Variants in GRIN2B observed in about 807,000 individuals in gnomAD.
GRIN2B encodes the protein glutamate receptor ionotropic, NMDA 2B.
Under a neutral mutation model 114.5 loss-of-function variants are expected in GRIN2B, and 5 were observed. The observed-to-expected ratio is 0.04, with a 90% CI of 0.02 to 0.09. The LOEUF (loss-of-function observed/expected upper bound fraction) is 0.09. GRIN2B is among the 10% of genes least tolerant of loss of function. GRIN2B has a pLI of 1.00. For missense variants in GRIN2B, 1,108 were observed against 1,943.5 expected (o/e 0.57, Z 8.08); for synonymous variants, 787 against 745.1 (o/e 1.06, Z -0.92).
At chr12:13,635,955 C>A (rs1004310249) in intron 5 of GRIN2B, among the ~76,000 whole-genome samples, 3 of 152,058 alleles carry the variant, frequency 2.0e-5, no homozygotes, top group Non-Finnish European at 4.4e-5. Flanking sequence ...CTAGTCCCTG[C>A]CCTCCAGAAC....
rs1344750931 is a variant in GRIN2B at position 13,560,791 on chromosome 12, G to A, written c.*1992C>T. ...TTGGCTTTAAAATGAAAGATACTGA[G>A]GTAAAAATCAAGGAGGAGGGTTGGG... On this transcript the variant is annotated 3_prime_UTR_variant, in exon 14 of 14. Coordinates refer to ENST00000609686, the MANE Select transcript of GRIN2B (RefSeq NM_000834.5). 6.6e-6 allele frequency: 1 copy of A among 152,266 alleles called. No homozygotes were observed. Among genetic ancestry groups the A allele is most frequent in the East Asian group, 1.9e-4 (1 of 5,186 alleles). 9.4% of individuals were successfully genotyped at this position (152,266 alleles called of 1,614,324 possible). A position where few individuals can be genotyped will look rare whatever the true frequency, so the allele number is the denominator to read the frequency against.
At chr12:13,692,751 CTTTCT>C (rs1463138192) in intron 4 of GRIN2B, among the ~76,000 whole-genome samples, 29 of 26,382 alleles carry the variant, frequency 1.1e-3, no homozygotes, top group African/African-American at 2.7e-3. Flanking sequence ...TTTCATTAAT[CTTTCT>C]TTTCTTTTTT....
At chr12:13,811,403 G>A (rs557709044) in intron 3 of GRIN2B, among the ~76,000 whole-genome samples, 109 of 152,248 alleles carry the variant, frequency 7.2e-4, no homozygotes, top group African/African-American at 2.6e-3. Context: ...GTGCAACATA[G>A]AGAGACCTCA....
chr12:13,833,750 G>A (rs771975588), intron 3 of GRIN2B, among the ~76,000 whole-genome samples: 5 of 152,124 alleles, frequency 3.3e-5, no homozygotes, highest in Non-Finnish European at 7.3e-5. Context: ...TTTTACAGAT[G>A]CAGAAATGAA....
chr12:13,969,300 T>G (rs1407676534), intron 2 of GRIN2B, among the ~76,000 whole-genome samples: 2 of 151,788 alleles, frequency 1.3e-5, no homozygotes, highest in Non-Finnish European at 2.9e-5. Flanking sequence ...GTTCCCCACA[T>G]GCAACATAAA....
At chr12:13,892,186 A>G (rs1406597696) in intron 2 of GRIN2B, among the ~76,000 whole-genome samples, 1 of 152,190 alleles carries the variant, frequency 6.6e-6, no homozygotes, top group Non-Finnish European at 1.5e-5. Context: ...GGTGAAACAC[A>G]ACCGTCCCAA....
intron 10 of GRIN2B, among the ~76,000 whole-genome samples, chr12:13,595,718 T>C (rs1949064092): frequency 6.6e-6 from 1 of 152,164 alleles, no homozygotes; most frequent in Non-Finnish European, 1.5e-5. Flanking sequence ...ATTGCAGTGC[T>C]GAAGGCTGCA....
intron 4 of GRIN2B, among the ~76,000 whole-genome samples, chr12:13,715,623 T>G (rs180892433): frequency 1.3e-5 from 2 of 152,026 alleles, no homozygotes; most frequent in African/African-American, 4.8e-5. Context: ...CTTTTTAGAA[T>G]AGTTACTGAT....
chr12:13,638,844 T>C (rs888963478), intron 5 of GRIN2B, among the ~76,000 whole-genome samples: 1 of 151,988 alleles, frequency 6.6e-6, no homozygotes, highest in East Asian at 1.9e-4. Context: ...AATGGAAGGG[T>C]CTGAATTTTC....
At chr12:13,647,107 TG>T (rs769504801) in intron 5 of GRIN2B, among the ~76,000 whole-genome samples, 41 of 152,232 alleles carry the variant, frequency 2.7e-4, no homozygotes, top group Non-Finnish European at 4.9e-4. Context: ...GCTGACACTT[TG>T]GTTGCATCTT....
rs200342868 is a variant in GRIN2B, at chr12:13,865,995, C to A, written c.214G>T (p.Ala72Ser). Residue 72 changes from alanine to serine, a missense_variant, in exon 3 of 14, where the codon GCC (alanine) becomes TCC (serine). Ala to Ser is a moderately conservative substitution (Grantham distance 99). Transcript: ENST00000609686. ...CTCTTTGGGTCGGTCTCATTCATGG[C>A]TACCAGTTCCACCCGGGGTACCACG... is the stretch of plus-strand genomic sequence containing the variant. ...LSVVPRVELV[A>S]MNETDPKSII... The A allele has an allele frequency of 1.2e-6, 2 of 1,614,082 alleles. No individual in the cohort carries two copies. Among genetic ancestry groups the A allele is most frequent in the Non-Finnish European group, 1.7e-6 (2 of 1,179,972 alleles).
chr12:13,727,575 G>A (rs17821180), intron 4 of GRIN2B, among the ~76,000 whole-genome samples: 12,273 of 152,234 alleles, frequency 0.081, 645 homozygotes, highest in East Asian at 0.2. Context: ...GAGGGGACCT[G>A]CAAATTGTAA....
rs1338117673 is a variant in GRIN2B, at chr12:13,558,325, A to C, written c.*4458T>G. The C allele has an allele frequency of 6.6e-6, 1 of 152,142 alleles. No individual in the cohort carries two copies. The highest frequency in any genetic ancestry group is 1.5e-5 in the Non-Finnish European group (1 of 68,024). 9.4% of individuals were successfully genotyped at this position (152,142 alleles called of 1,614,324 possible). ...TCCTAACATACAAAAACAGACATTC[A>C]CAGGGTGTCAAGCAATGACAGGGCC... On this transcript the variant is annotated 3_prime_UTR_variant, in exon 14 of 14. Coordinates refer to ENST00000609686, the MANE Select transcript of GRIN2B (RefSeq NM_000834.5).
At chr12:13,945,602 A>C (rs994135963) in intron 2 of GRIN2B, among the ~76,000 whole-genome samples, 1 of 152,192 alleles carries the variant, frequency 6.6e-6, no homozygotes, top group African/African-American at 2.4e-5. Flanking sequence ...TTCATAGAGC[A>C]CAGTGGGCAG....
chr12:13,565,425 C>T (rs1403232914), intron 13 of GRIN2B, among the ~76,000 whole-genome samples: 3 of 152,198 alleles, frequency 2.0e-5, no homozygotes, highest in Admixed American at 6.5e-5. Context: ...CTTTCTCACT[C>T]ACTTAATATT....
Position 13,825,143 on chromosome 12 carries a change from A to C in GRIN2B, c.411+40655T>G, listed in dbSNP as rs375751929. On this transcript the variant is annotated intron_variant, in intron 3 of 13. Transcript: ENST00000609686. ...TGTTGTTTTATTTTAATTCAGTCCA[A>C]AATATATCCTGAAGGCCTTTGTGAT... Among the ~76,000 whole-genome samples the C allele has an allele frequency of 8.4e-4, 128 of 152,058 alleles. 4 individuals are homozygous for C. In the South Asian group the frequency reaches 0.026, roughly 31 times the overall value.
At chr12:13,804,497 T>C (rs892472039) in intron 3 of GRIN2B, among the ~76,000 whole-genome samples, 3 of 152,110 alleles carry the variant, frequency 2.0e-5, no homozygotes, top group African/African-American at 7.2e-5. Context: ...AACCCCTTCA[T>C]TTTTAAAAAT....
chr12:13,850,599 T>C (rs889264793), intron 3 of GRIN2B, among the ~76,000 whole-genome samples: 5 of 152,286 alleles, frequency 3.3e-5, no homozygotes, highest in South Asian at 2.1e-4. Context: ...CCCACTCTTG[T>C]CTCTCCCTTG....
intron 2 of GRIN2B, among the ~76,000 whole-genome samples, chr12:13,911,538 C>T (rs1409722502): frequency 1.3e-5 from 2 of 152,190 alleles, no homozygotes; most frequent in African/African-American, 4.8e-5. Context: ...CTGTTTACCC[C>T]AGGCAATAAA....
Sources: allele counts gnomAD v4.1 joint callset (sites outside exome capture counted in the v4.1 genomes callset), GRCh38; gene constraint gnomAD v4.1.1; transcripts MANE v1.5; gene names NCBI Gene and HGNC (gene_info 2026-07-23, HGNC 2026-07-21).